C1GALT1: variants seen among roughly 807,000 people sequenced by gnomAD.
The protein encoded by C1GALT1 is core 1 synthase, glycoprotein-N-acetylgalactosamine 3-beta-galactosyltransferase 1.
Under a neutral mutation model 31.0 loss-of-function variants are expected in C1GALT1, and 11 were observed. The observed-to-expected ratio is 0.36, with a 90% CI of 0.22 to 0.59. C1GALT1 has a LOEUF of 0.59. Ranked by LOEUF, C1GALT1 falls within the 20% of genes least tolerant of loss-of-function variation. The pLI is 0.79. For synonymous variants in C1GALT1, 175 were observed against 143.6 expected, an observed-to-expected ratio of 1.22 and a Z score of -1.56; for missense variants, 424 against 425.2, an observed-to-expected ratio of 1.00 and a Z score of 0.03.
intron 1 of C1GALT1, among the ~76,000 whole-genome samples, chr7:7,232,483 GGTTTTTTTTTTTT>G (rs1452196978): frequency 2.1e-5 from 2 of 94,414 alleles, no homozygotes; most frequent in Non-Finnish European, 3.8e-5. Context: ...AAAGGGCGTG[GGTTTTTTTTTTTT>G]GTTTTTTTTT....
At chr7:7,223,070 A>G (rs1165715119) in intron 1 of C1GALT1, among the ~76,000 whole-genome samples, 1 of 152,152 alleles carries the variant, frequency 6.6e-6, no homozygotes, top group African/African-American at 2.4e-5. Context: ...TTTTTGCCTA[A>G]CCATAACATA....
intron 1 of C1GALT1, among the ~76,000 whole-genome samples, chr7:7,209,162 C>G (rs1401972243): frequency 6.6e-6 from 1 of 152,110 alleles, no homozygotes. Context: ...TATGTAGAGC[C>G]TATACATTTA....
intron 1 of C1GALT1, among the ~76,000 whole-genome samples, chr7:7,199,043 C>T (rs1781422874): frequency 6.6e-6 from 1 of 152,152 alleles, no homozygotes; most frequent in Admixed American, 6.5e-5. Flanking sequence ...TCCTTCAGTT[C>T]TGCTCTGACC....
chr7:7,178,383 G>A (rs777606178), upstream of C1GALT1: 1 of 217,386 alleles, frequency 4.6e-6, no homozygotes, highest in East Asian at 1.1e-4. Flanking sequence ...AGCCCTCTGG[G>A]CAAATTTGTA....
intron 2 of C1GALT1, among the ~76,000 whole-genome samples, chr7:7,159,985 T>C (rs898098709): frequency 2.0e-5 from 3 of 152,164 alleles, no homozygotes; most frequent in African/African-American, 7.2e-5. Context: ...TTTGCACCAA[T>C]CCATGTTCAT....
At chr7:7,167,681 C>T (rs143371602) in intron 2 of C1GALT1, among the ~76,000 whole-genome samples, 1 of 152,058 alleles carries the variant, frequency 6.6e-6, no homozygotes, top group East Asian at 1.9e-4. Flanking sequence ...CTTGGACATT[C>T]CAATTCACCA....
chr7:7,247,578 A>G lies in C1GALT1; in HGVS notation c.*3851A>G, dbSNP rs1783895072. ...TGAATATTAATTTTTCACTTCTTTG[A>G]GACTGTCAAACTATAGTTACTACCA... On this transcript the variant is annotated 3_prime_UTR_variant, in exon 4 of 4. Coordinates refer to ENST00000436587, the MANE Select transcript of C1GALT1 (RefSeq NM_020156.5). 1 of 152,090 alleles carries G rather than the reference A, an allele frequency of 6.6e-6. No homozygotes were observed. The highest frequency in any genetic ancestry group is 2.4e-5 in the African/African-American group (1 of 41,428). The allele number at this position is 152,090 out of a possible 1,614,324, so 9.4% of individuals were successfully genotyped here. A position where few individuals can be genotyped will look rare whatever the true frequency, so the allele number is the denominator to read the frequency against.
chr7:7,157,556 C>T (rs925759617), intron 2 of C1GALT1: 1 of 152,178 alleles, frequency 6.6e-6, no homozygotes, highest in Non-Finnish European at 1.5e-5. Context: ...ATTTTTAAAT[C>T]ATGAATCTAT....
At chr7:7,214,175 A>G (rs1488320309) in intron 1 of C1GALT1, among the ~76,000 whole-genome samples, 2 of 152,242 alleles carry the variant, frequency 1.3e-5, no homozygotes, top group Admixed American at 1.3e-4. Flanking sequence ...AGATAACACA[A>G]TGCAAAACAG....
At chr7:7,202,432 C>T (rs533152832) in intron 1 of C1GALT1, among the ~76,000 whole-genome samples, 2 of 152,170 alleles carry the variant, frequency 1.3e-5, no homozygotes, top group African/African-American at 2.4e-5. Context: ...CAACTTCATT[C>T]TTTTGCATGT....
upstream of C1GALT1, chr7:7,182,507 TC>T (rs1159742791): frequency 6.6e-6 from 1 of 152,096 alleles, no homozygotes; most frequent in African/African-American, 2.4e-5. Flanking sequence ...GCTCCGCCCT[TC>T]CCTGGGGCTG....
intron 1 of C1GALT1, among the ~76,000 whole-genome samples, chr7:7,208,963 T>G (rs146855393): frequency 6.6e-6 from 1 of 152,226 alleles, no homozygotes. Flanking sequence ...AGCTTCATAA[T>G]AGTTGTATGA....
At chr7:7,187,204 C>T (rs1415573572) in intron 1 of C1GALT1, among the ~76,000 whole-genome samples, 1 of 152,114 alleles carries the variant, frequency 6.6e-6, no homozygotes, top group Non-Finnish European at 1.5e-5. Context: ...CAGTTGTCCT[C>T]CTCAAAGGCA....
intron 1 of C1GALT1, chr7:7,209,632 T>C (rs965159912): frequency 3.9e-5 from 6 of 152,242 alleles, no homozygotes; most frequent in African/African-American, 1.4e-4. Context: ...GACAGGCAGA[T>C]AGGACATTCG....
At chr7:7,204,111 G>T (rs73045727) in intron 1 of C1GALT1, among the ~76,000 whole-genome samples, 707 of 113,058 alleles carry the variant, frequency 6.3e-3, no homozygotes, top group South Asian at 0.024. Flanking sequence ...TTTTTTTTTT[G>T]TTTTTTTGTT....
intron 1 of C1GALT1, among the ~76,000 whole-genome samples, chr7:7,224,570 T>G (rs2128244176): frequency 6.6e-6 from 1 of 152,248 alleles, no homozygotes; most frequent in South Asian, 2.1e-4. Context: ...TTGTGATGGT[T>G]TATGCTTTTC....
rs375288865 is a variant in C1GALT1, at chr7:7,226,788, G to C, written c.-17-7515G>C. Among the ~76,000 whole-genome samples the C allele has an allele frequency of 1.7e-4, 26 of 152,182 alleles. No homozygotes were observed. In the South Asian group the frequency reaches 5.2e-3, roughly 30 times the overall value. ...ATTAAAAAGGACTCTTGTTGAGCATGGAATCTAGTTTAATGTAGATCCAGG... is the reference window on the plus strand; with the variant it reads ...ATTAAAAAGGACTCTTGTTGAGCATCGAATCTAGTTTAATGTAGATCCAGG... On this transcript the variant is annotated intron_variant, in intron 1 of 3. Coordinates refer to ENST00000436587, the MANE Select transcript of C1GALT1 (RefSeq NM_020156.5).
chr7:7,167,793 C>T (rs1780414525), intron 2 of C1GALT1, among the ~76,000 whole-genome samples: 1 of 152,078 alleles, frequency 6.6e-6, no homozygotes, highest in South Asian at 2.1e-4. Context: ...TGTTGTTTCT[C>T]CTCTTTTCTC....
intron 1 of C1GALT1, among the ~76,000 whole-genome samples, chr7:7,216,703 A>C (rs1434935059): frequency 6.6e-6 from 1 of 152,212 alleles, no homozygotes; most frequent in African/African-American, 2.4e-5. Context: ...AGATGCCTTA[A>C]AAGAACGTAG....
Sources: gnomAD v4.1 joint callset for allele counts (sites outside exome capture counted in the v4.1 genomes callset) on GRCh38, gnomAD v4.1.1 for gene constraint, MANE v1.5 for transcripts, NCBI Gene and HGNC (gene_info 2026-07-23, HGNC 2026-07-21) for gene names.